The following ADD3 variants were observed in gnomAD, a reference collection of about 807,000 sequenced individuals.
ADD3 encodes gamma-adducin.
In ADD3, 25 loss-of-function variants were observed where a neutral mutation model predicts 80.2. That is an observed-to-expected ratio of 0.31 (90% confidence interval 0.23 to 0.44). ADD3 has a LOEUF of 0.44. ADD3 is among the 20% of genes least tolerant of loss of function. The probability of loss-of-function intolerance (pLI) is 1.00; values close to 1 mark genes in which losing one functional copy is unlikely to be tolerated. For synonymous variants in ADD3, 284 were observed against 289.6 expected (o/e 0.98, Z 0.20); for missense variants, 829 against 847.5 (o/e 0.98, Z 0.27).
intron 1 of ADD3, among the ~76,000 whole-genome samples, chr10:110,073,138 C>CTTT (rs1189793476): frequency 0.055 from 5,176 of 94,132 alleles, 931 homozygotes; most frequent in African/African-American, 0.22. Flanking sequence ...TTTTAGTTTT[C>CTTT]TTTTTTTTTT....
chr10:110,042,293 T>C (rs1856456789), intron 1 of ADD3, among the ~76,000 whole-genome samples: 1 of 152,204 alleles, frequency 6.6e-6, no homozygotes, highest in Non-Finnish European at 1.5e-5. Context: ...TTAAATATTC[T>C]GTTCTATACT....
At position 110,048,517 on chromosome 10, in the gene ADD3, A is replaced by G. The variant is rs541697879; in HGVS notation, c.-30+40218A>G. ...GGCTTTGACCAAAATGCTGACAATC[A>G]TATGGACAATGAAATTTAGGCTGAG... On this transcript the variant is annotated intron_variant, in intron 1 of 14. Coordinates refer to ENST00000356080, the MANE Select transcript of ADD3 (RefSeq NM_016824.5). Among the ~76,000 whole-genome samples the G allele has an allele frequency of 6.6e-5, 10 of 152,334 alleles. No homozygotes were observed. In the South Asian group the frequency reaches 2.1e-3, roughly 32 times the overall value.
chr10:110,085,974 A>T (rs1403429371), intron 1 of ADD3, among the ~76,000 whole-genome samples: 1 of 152,016 alleles, frequency 6.6e-6, no homozygotes, highest in Non-Finnish European at 1.5e-5. Context: ...GCGTGGTGGT[A>T]CAAGCCTGTA....
intron 8 of ADD3, 147 bp downstream of exon 8, chr10:110,119,711 A>C (rs1418422270): frequency 1.6e-6 from 1 of 636,512 alleles, no homozygotes; most frequent in African/African-American, 1.8e-5. Flanking sequence ...AGGGTTTTCA[A>C]CTCAGTTATC....
chr10:110,017,614 T>C (rs1853152878), intron 1 of ADD3, among the ~76,000 whole-genome samples: 1 of 152,172 alleles, frequency 6.6e-6, no homozygotes, highest in South Asian at 2.1e-4. Flanking sequence ...GTTTGCTTCC[T>C]TCTAAATATT....
intron 1 of ADD3, among the ~76,000 whole-genome samples, chr10:110,020,463 G>A (rs1427223458): frequency 6.6e-6 from 1 of 152,146 alleles, no homozygotes; most frequent in African/African-American, 2.4e-5. Flanking sequence ...TGATGAGAGA[G>A]CATGCATGTG....
At chr10:110,044,460 G>C (rs1163232245) in intron 1 of ADD3, among the ~76,000 whole-genome samples, 1 of 152,170 alleles carries the variant, frequency 6.6e-6, no homozygotes, top group East Asian at 1.9e-4. Context: ...TAGGAACCTA[G>C]AATTTTCCAT....
Position 110,132,419 on chromosome 10 carries a change from C to T in ADD3, c.1828+19C>T. The T allele has an allele frequency of 3.9e-6, 6 of 1,527,080 alleles. No homozygotes were observed. The highest frequency in any genetic ancestry group is 5.4e-6 in the Non-Finnish European group (6 of 1,101,562). The allele number at this position is 1,527,080 out of a possible 1,614,324, so 94.6% of individuals were successfully genotyped here. A position where few individuals can be genotyped will look rare whatever the true frequency, so the allele number is the denominator to read the frequency against. ...TTAGAAGGTACTCAATGTAATTTCC[C>T]ACATAGCATTCACTGAGTTAGTCTT... On this transcript the variant is annotated intron_variant, in intron 14 of 14. Coordinates refer to ENST00000356080, the MANE Select transcript of ADD3 (RefSeq NM_016824.5).
At chr10:110,079,517 C>A (rs1195040715) in intron 1 of ADD3, among the ~76,000 whole-genome samples, 1 of 133,476 alleles carries the variant, frequency 7.5e-6, no homozygotes, top group Admixed American at 7.6e-5. Flanking sequence ...ACCTGAACAT[C>A]TTTTTAATAC....
chr10:110,024,841 AT>A (rs1488223700), intron 1 of ADD3, among the ~76,000 whole-genome samples: 14 of 152,168 alleles, frequency 9.2e-5, no homozygotes, highest in Admixed American at 9.2e-4. Flanking sequence ...AGTAAGAAAT[AT>A]AAGGACATGG....
chr10:110,065,634 G>A (rs1479869668), intron 1 of ADD3, among the ~76,000 whole-genome samples: 1 of 143,706 alleles, frequency 7.0e-6, no homozygotes, highest in Non-Finnish European at 1.5e-5. Context: ...CCGCCTCCCA[G>A]GTTCAAGTGA....
At chr10:110,047,259 G>C (rs1437881430) in intron 1 of ADD3, among the ~76,000 whole-genome samples, 1 of 152,156 alleles carries the variant, frequency 6.6e-6, no homozygotes, top group African/African-American at 2.4e-5. Flanking sequence ...AATTTACAAA[G>C]TAGATTTGCC....
upstream of ADD3, among the ~76,000 whole-genome samples, chr10:110,003,302 G>GGGGTGTGTGTGTGTGTGTGT (rs140966434): frequency 0.081 from 11,914 of 146,762 alleles, 564 homozygotes; most frequent in South Asian, 0.17. Context: ...GAACAGTAAG[G>GGGGTGTGTGTGTGTGTGTGT]GTGTGTGTGT....
intron 6 of ADD3, 53 bp from the exon 7 acceptor site, chr10:110,119,158 A>C (rs1188403827): frequency 6.3e-7 from 1 of 1,594,058 alleles, no homozygotes; most frequent in South Asian, 1.1e-5. Flanking sequence ...GGTTCCTATG[A>C]AAATGTATTT....
chr10:109,997,085 A>G (rs1019115976), intron 1 of ADD3, among the ~76,000 whole-genome samples: 2 of 152,246 alleles, frequency 1.3e-5, no homozygotes, highest in Admixed American at 6.5e-5. Context: ...TAAGGCACAG[A>G]GCTCACAGAA....
chr10:110,038,666 A>G (rs1486583079), intron 1 of ADD3, among the ~76,000 whole-genome samples: 1 of 152,180 alleles, frequency 6.6e-6, no homozygotes, highest in African/African-American at 2.4e-5. Context: ...TATATATGTT[A>G]AAATGTTTGT....
chr10:110,002,051 G>A (rs531344634), upstream of ADD3, among the ~76,000 whole-genome samples: 40 of 152,186 alleles, frequency 2.6e-4, no homozygotes, highest in Non-Finnish European at 4.6e-4. Flanking sequence ...CCAGCACTTT[G>A]GGAGGCTGAA....
chr10:110,019,982 T>A (rs1853481280), intron 1 of ADD3, among the ~76,000 whole-genome samples: 3 of 152,214 alleles, frequency 2.0e-5, no homozygotes. Flanking sequence ...ACAGATTCTT[T>A]CCAAAATACG....
chr10:110,123,543 T>C (rs1480726481), intron 9 of ADD3, among the ~76,000 whole-genome samples: 3 of 152,230 alleles, frequency 2.0e-5, no homozygotes, highest in Non-Finnish European at 4.4e-5. Context: ...AATTGGGTTC[T>C]TCTCTTGTTA....
Sources: gnomAD v4.1 joint callset for allele counts (sites outside exome capture counted in the v4.1 genomes callset) on GRCh38, gnomAD v4.1.1 for gene constraint, MANE v1.5 for transcripts, NCBI Gene and HGNC (gene_info 2026-07-23, HGNC 2026-07-21) for gene names.